PCDHGA7: variants seen among roughly 807,000 people sequenced by gnomAD.
PCDHGA7 encodes protocadherin gamma subfamily A, 7.
Under a neutral mutation model 58.3 loss-of-function variants are expected in PCDHGA7, and 44 were observed. The ratio of observed to expected loss-of-function variants is 0.75; its 90% CI spans 0.59 to 0.97. The LOEUF is 0.97. PCDHGA7 is among the 50% of genes least tolerant of loss of function. The pLI, the probability that PCDHGA7 is intolerant of heterozygous loss-of-function variation, is 0.00. For synonymous variants in PCDHGA7, 516 were observed against 504.2 expected, an observed-to-expected ratio of 1.02 and a Z score of -0.31; for missense variants, 1,266 against 1,188.7, an observed-to-expected ratio of 1.06 and a Z score of -0.96.
At chr5:141,398,177 T>C (rs2093620975) in intron 1 of PCDHGA7, 11 of 1,473,994 alleles carry the variant, frequency 7.5e-6, no homozygotes, top group African/African-American at 2.9e-5. Context: ...CTGCCAGTGC[T>C]CTTTCTCTTC....
intron 1 of PCDHGA7, chr5:141,403,131 C>T: frequency 5.6e-6 from 9 of 1,614,034 alleles, no homozygotes; most frequent in Non-Finnish European, 6.8e-6. Context: ...CGGGAGCTGG[C>T]GGAGCGCCGA....
rs778851755 is a variant in PCDHGA7, at chr5:141,477,795, G to A, written c.2425-17012G>A. ...AGCGTGAACATATTTGTCACTGATC[G>A]CAATGACAATGCCCCCCAGGTCCTA... On this transcript the variant is annotated intron_variant, in intron 1 of 3. Coordinates refer to ENST00000518325, the MANE Select transcript of PCDHGA7 (RefSeq NM_018920.4). This position sits in a 1 kb window ranked among gnomAD's most constrained non-coding sequence, Gnocchi z 4.9. The A allele has an allele frequency of 3.1e-6, 5 of 1,613,946 alleles. No individual in the cohort carries two copies. In the African/African-American group the frequency reaches 6.7e-5, roughly 22 times the overall value.
chr5:141,484,907 C>T, intron 1 of PCDHGA7: 1 of 409,994 alleles, frequency 2.4e-6, no homozygotes, highest in Non-Finnish European at 4.3e-6. Context: ...AATGCTGCGA[C>T]GCATTAACCC....
intron 1 of PCDHGA7, among the ~76,000 whole-genome samples, chr5:141,438,591 CATATATATATATATATATAT>C (rs946798767): frequency 2.1e-4 from 16 of 75,572 alleles, no homozygotes; most frequent in Middle Eastern, 0.016. Context: ...TACATACATA[CATATATATATATATATATAT>C]ATATATATAT....
Position 141,389,109 on chromosome 5 carries a change from G to A in PCDHGA7, c.2424+3786G>A, listed in dbSNP as rs144915863. On this transcript the variant is annotated intron_variant, in intron 1 of 3. Transcript: ENST00000518325. ...TAAATTAGTGACAGATGCTGTTCTA[G>A]ACCGCGAGCAGAATCCAGAGTACAA... 616 of 1,614,020 alleles carry A rather than the reference G, an allele frequency of 3.8e-4. 2 individuals are homozygous for A. The highest frequency in any genetic ancestry group is 1.2e-3 in the Middle Eastern group (7 of 6,062).
chr5:141,427,998 C>A, intron 1 of PCDHGA7: 1 of 1,600,956 alleles, frequency 6.2e-7, no homozygotes, highest in Non-Finnish European at 8.6e-7. Context: ...TGGCTCCGCA[C>A]TCTTCGATAT....
intron 1 of PCDHGA7, chr5:141,420,214 C>T: frequency 6.2e-7 from 1 of 1,611,064 alleles, no homozygotes; most frequent in Non-Finnish European, 8.5e-7. Context: ...ACAAAGATAG[C>T]ATGCTACTGG....
intron 1 of PCDHGA7, among the ~76,000 whole-genome samples, chr5:141,406,686 T>G (rs918855962): frequency 1.3e-5 from 2 of 152,244 alleles, no homozygotes; most frequent in African/African-American, 4.8e-5. Flanking sequence ...TAGGACATTC[T>G]TCTTTTCTAT....
Position 141,384,210 on chromosome 5 carries a change from C to A in PCDHGA7, c.1311C>A (p.His437Gln). 6.2e-7 allele frequency: 1 copy of A among 1,613,886 alleles called. No individual in the cohort carries two copies. The highest frequency in any genetic ancestry group is 1.7e-5 in the Admixed American group (1 of 60,020). ...CTCCTCCCTTGTCCAGGGAAACTCA[C>A]ATATTCATGCAGGTGGCAGACACCA... ...GGTPPLSRETHIFMQVADTND... is the reference protein window; with the variant it reads ...GGTPPLSRETQIFMQVADTND... Residue 437 changes from histidine to glutamine, a missense_variant, in exon 1 of 4, where the codon CAC becomes CAA. By Grantham distance (24) the His-to-Gln change is conservative. Coordinates refer to ENST00000518325, the MANE Select transcript of PCDHGA7 (RefSeq NM_018920.4).
At chr5:141,445,294 T>G (rs1012635904) in intron 1 of PCDHGA7, among the ~76,000 whole-genome samples, 2 of 152,238 alleles carry the variant, frequency 1.3e-5, no homozygotes. Flanking sequence ...CAGGCTTCCA[T>G]TCTCTTCAGT....
chr5:141,450,893 C>T (rs1306212499), intron 1 of PCDHGA7, among the ~76,000 whole-genome samples: 3 of 149,144 alleles, frequency 2.0e-5, no homozygotes, highest in East Asian at 2.0e-4. Flanking sequence ...GGTGCGATAT[C>T]GGCTCACTGC....
chr5:141,391,964 A>G (rs917564747), intron 1 of PCDHGA7: 3 of 152,232 alleles, frequency 2.0e-5, no homozygotes, highest in Non-Finnish European at 2.9e-5. Flanking sequence ...AAACAATGTA[A>G]ATAAAATAGC....
At chr5:141,385,355 G>A in intron 1 of PCDHGA7, 32 bp downstream of exon 1, 1 of 1,548,228 alleles carries the variant, frequency 6.5e-7, no homozygotes, top group Non-Finnish European at 8.7e-7. Flanking sequence ...TTTCCATGAG[G>A]AATTTATTTG....
chr5:141,430,255 T>TC (rs11167746), intron 1 of PCDHGA7, among the ~76,000 whole-genome samples: 81,857 of 151,872 alleles, frequency 0.54, 24,107 homozygotes, highest in African/African-American at 0.79. Flanking sequence ...GGGAGACATC[T>TC]CCATAATAGG....
chr5:141,492,546 G>A (rs2154587552), intron 1 of PCDHGA7, among the ~76,000 whole-genome samples: 1 of 152,336 alleles, frequency 6.6e-6, no homozygotes, highest in East Asian at 1.9e-4. Flanking sequence ...GCTGGGCCGG[G>A]TCGCCTGGGG....
Position 141,421,822 on chromosome 5 carries a change from G to A in PCDHGA7, c.2424+36499G>A, listed in dbSNP as rs2096603648. On this transcript the variant is annotated intron_variant, in intron 1 of 3. Transcript: ENST00000518325. ...CAAGAATCCAGAGCTAGTACTGGAG[G>A]GAAGCCTGGACCGAGAGAAAGAGGC... 3.7e-6 allele frequency: 6 copies of A among 1,613,690 alleles called. No homozygotes were observed. The East Asian group carries it at 1.1e-4, about 30-fold the overall frequency.
Position 141,404,312 on chromosome 5 carries a change from C to T in PCDHGA7, c.2424+18989C>T. On this transcript the variant is annotated intron_variant, in intron 1 of 3. Transcript: ENST00000518325. ...CAATGATAATCCACCTGCTTTCTCT[C>T]AAGCCTCCTACTCAGTCTACCTCCC... is the stretch of plus-strand genomic sequence containing the variant. 1.9e-6 allele frequency: 3 copies of T among 1,613,956 alleles called. No individual in the cohort carries two copies. The Middle Eastern group carries it at 4.9e-4, about 266-fold the overall frequency.
chr5:141,494,792 C>A lies in PCDHGA7; in HGVS notation c.2425-15C>A. The A allele has an allele frequency of 6.2e-7, 1 of 1,614,132 alleles. No individual in the cohort carries two copies. Among genetic ancestry groups the A allele is most frequent in the East Asian group, 2.2e-5 (1 of 44,878 alleles). Reference sequence around the variant, plus strand: ...TCACGGGTACTCAGCCCCTTTCCCTCTGTTTTCTCCACAGCAAGCCCCGCC... The same window carrying A: ...TCACGGGTACTCAGCCCCTTTCCCTATGTTTTCTCCACAGCAAGCCCCGCC... On this transcript the variant is annotated splice_polypyrimidine_tract_variant and intron_variant, in intron 1 of 3. Transcript: ENST00000518325.
chr5:141,415,602 A>G (rs1208876851), intron 1 of PCDHGA7: 2 of 1,613,602 alleles, frequency 1.2e-6, no homozygotes, highest in African/African-American at 2.7e-5. Flanking sequence ...AGGATACCCC[A>G]TTGGTTCCAG....
Sources: gnomAD v4.1 joint callset for allele counts (sites outside exome capture counted in the v4.1 genomes callset) on GRCh38, gnomAD v4.1.1 for gene constraint, Gnocchi (gnomAD v3.1) non-coding constraint, MANE v1.5 for transcripts, NCBI Gene and HGNC (gene_info 2026-07-23, HGNC 2026-07-21) for gene names.